Variants in POU2F2 observed in about 807,000 individuals in gnomAD.
POU2F2 encodes POU class 2 homeobox 2, also known as POU domain, class 2, transcription factor 2.
In POU2F2, 14 loss-of-function variants were observed where a neutral mutation model predicts 63.5. The observed-to-expected ratio is 0.22, with a 90% CI of 0.15 to 0.34. POU2F2 has a LOEUF of 0.34. POU2F2 is among the 10% of genes least tolerant of loss of function. POU2F2 has a pLI of 1.00. For missense variants in POU2F2, 607 were observed against 815.2 expected (o/e 0.74, Z 3.11); for synonymous variants, 306 against 348.6 (o/e 0.88, Z 1.36).
upstream of POU2F2, among the ~76,000 whole-genome samples, chr19:42,136,122 A>G (rs541029752): frequency 7.8e-4 from 119 of 151,658 alleles, no homozygotes; most frequent in African/African-American, 2.8e-3. Context: ...GGGACTTAAA[A>G]TATATCTTCC....
At chr19:42,163,129 G>A (rs1203839100) in intron 1 of POU2F2, among the ~76,000 whole-genome samples, 1 of 152,118 alleles carries the variant, frequency 6.6e-6, no homozygotes, top group African/African-American at 2.4e-5. Context: ...AAGATCTAAC[G>A]ACTATGAGCA....
chr19:42,140,313 C>G (rs577260215), intron 2 of POU2F2, among the ~76,000 whole-genome samples: 2 of 152,218 alleles, frequency 1.3e-5, no homozygotes, highest in South Asian at 4.1e-4. Flanking sequence ...CAGAGGCCGC[C>G]GCTGTCATCC....
intron 4 of POU2F2, among the ~76,000 whole-genome samples, chr19:42,120,047 G>A (rs1034523460): frequency 6.6e-6 from 1 of 151,828 alleles, no homozygotes; most frequent in Non-Finnish European, 1.5e-5. Flanking sequence ...GTCTCAAGTA[G>A]CTGAGACTAC....
chr19:42,095,897 G>A lies in POU2F2; in HGVS notation c.762C>T (p.Tyr254=), dbSNP rs1218309260. ...TGGTCGTCTGGCTGAAGTCGTTGCC[G>A]TAGAGCTTGCCCATGGCCAGGCCCA... ...GDVGLAMGKL[Y]GNDFSQTTIS... is the part of the protein sequence containing the mutation. Residue 254 remains tyrosine, a synonymous_variant, in exon 9 of 15, where the codon TAC becomes TAT. Coordinates refer to ENST00000692977, the MANE Select transcript of POU2F2 (RefSeq NM_001394376.1). This position sits in a 1 kb window ranked among gnomAD's most constrained non-coding sequence, Gnocchi z 7.1. 9.3e-6 allele frequency: 15 copies of A among 1,613,750 alleles called. No homozygotes were observed. Among genetic ancestry groups the A allele is most frequent in the Non-Finnish European group, 1.1e-5 (13 of 1,179,844 alleles).
At chr19:42,174,107 C>CG (rs2034824616) in intron 1 of POU2F2, among the ~76,000 whole-genome samples, 1 of 152,146 alleles carries the variant, frequency 6.6e-6, no homozygotes, top group African/African-American at 2.4e-5. Context: ...TGCCGTCAAA[C>CG]TCAGCCATAC....
intron 2 of POU2F2, among the ~76,000 whole-genome samples, chr19:42,149,216 G>A (rs771800071): frequency 1.3e-4 from 20 of 152,116 alleles, no homozygotes; most frequent in Admixed American, 6.5e-4. Flanking sequence ...GCCACACAGC[G>A]CGTCTGTGGC....
chr19:42,192,127 A>T (rs1358090984), intron 1 of POU2F2, among the ~76,000 whole-genome samples: 1 of 152,216 alleles, frequency 6.6e-6, no homozygotes, highest in African/African-American at 2.4e-5. Context: ...GATGAAGGTC[A>T]CCAGAGATGA....
intron 1 of POU2F2, among the ~76,000 whole-genome samples, chr19:42,161,165 A>G (rs2034544870): frequency 6.6e-6 from 1 of 152,176 alleles, no homozygotes; most frequent in Admixed American, 6.5e-5. Context: ...TAGGGAGGAA[A>G]CAACACCCAA....
intron 1 of POU2F2, among the ~76,000 whole-genome samples, chr19:42,174,803 T>C (rs148150507): frequency 6.6e-6 from 1 of 150,594 alleles, no homozygotes; most frequent in East Asian, 2.0e-4. Context: ...ACCTTCCCCT[T>C]ATATCCTGGG....
At chr19:42,109,752 G>A (rs780562927) in intron 5 of POU2F2, among the ~76,000 whole-genome samples, 4 of 152,084 alleles carry the variant, frequency 2.6e-5, no homozygotes, top group Non-Finnish European at 4.4e-5. Context: ...CCATCCTCCC[G>A]CTTCAGACTC....
At chr19:42,173,322 G>A (rs962562122) in intron 1 of POU2F2, among the ~76,000 whole-genome samples, 14 of 152,168 alleles carry the variant, frequency 9.2e-5, no homozygotes, top group African/African-American at 3.4e-4. Flanking sequence ...TGTCCAAGTA[G>A]CCCCTGGTGT....
intron 5 of POU2F2, among the ~76,000 whole-genome samples, chr19:42,106,031 C>CT (rs1232621594): frequency 7.1e-6 from 1 of 140,420 alleles, no homozygotes; most frequent in Non-Finnish European, 1.5e-5. Context: ...TTCTTTCTTT[C>CT]TTTCTTTCTT....
upstream of POU2F2, among the ~76,000 whole-genome samples, chr19:42,196,821 G>A (rs562157323): frequency 3.9e-5 from 6 of 152,400 alleles, no homozygotes; most frequent in African/African-American, 1.4e-4. Context: ...CACTGCGCCA[G>A]CGCAGATCCC....
chr19:42,150,597 C>T lies in POU2F2; in HGVS notation c.-9+9735G>A, dbSNP rs924337615. Among the ~76,000 whole-genome samples, 258 of 150,358 alleles carry T rather than the reference C, an allele frequency of 1.7e-3. 2 individuals carry two copies. Among genetic ancestry groups the T allele is most frequent in the African/African-American group, 5.1e-3 (212 of 41,304 alleles). ...GCGGAGGGCTCAGCGCAGAGGCCGG[C>T]GGCCGGCCTTCGCAGCGACCAGGGC... On this transcript the variant is annotated intron_variant, in intron 2 of 6. Transcript: ENST00000524801.
chr19:42,150,540 G>A (rs963075895), intron 2 of POU2F2, among the ~76,000 whole-genome samples: 5 of 151,402 alleles, frequency 3.3e-5, no homozygotes, highest in Admixed American at 2.6e-4. Flanking sequence ...AAACTGGATC[G>A]ATCGGGGCTG....
At chr19:42,170,363 T>C (rs1289000330) in intron 1 of POU2F2, among the ~76,000 whole-genome samples, 1 of 145,296 alleles carries the variant, frequency 6.9e-6, no homozygotes, top group Admixed American at 7.0e-5. Context: ...ACCAGATACA[T>C]GGAAGGCTCA....
chr19:42,174,070 C>T (rs1461597796), intron 1 of POU2F2, among the ~76,000 whole-genome samples: 3 of 152,058 alleles, frequency 2.0e-5, no homozygotes, highest in Non-Finnish European at 4.4e-5. Context: ...TTTTCTTGAA[C>T]CCAGCTTCAA....
rs1216400357 is a variant in POU2F2, at chr19:42,095,965, G to C, written c.730-36C>G. 2 of 1,607,170 alleles carry C rather than the reference G, an allele frequency of 1.2e-6. No homozygotes were observed. The highest frequency in any genetic ancestry group is 8.5e-7 in the Non-Finnish European group (1 of 1,176,428). On this transcript the variant is annotated intron_variant, in intron 8 of 14. Transcript: ENST00000692977. The surrounding 1 kb of genome is among the most constrained non-coding windows in gnomAD (Gnocchi z 7.1). Reference sequence around the variant, plus strand: ...GGGGCGGGGAAGGGCCCGAAGTCAGGGTGGGGCCTTCCGGCACTGGGCCCG... The same window carrying C: ...GGGGCGGGGAAGGGCCCGAAGTCAGCGTGGGGCCTTCCGGCACTGGGCCCG...
chr19:42,173,607 G>T (rs553979434), intron 1 of POU2F2, among the ~76,000 whole-genome samples: 1 of 151,264 alleles, frequency 6.6e-6, no homozygotes, highest in African/African-American at 2.4e-5. Flanking sequence ...AGGACGTATA[G>T]GCTAACAACC....
Sources: allele counts gnomAD v4.1 joint callset (sites outside exome capture counted in the v4.1 genomes callset), GRCh38; gene constraint gnomAD v4.1.1; non-coding constraint Gnocchi (gnomAD v3.1); transcripts MANE v1.5; gene names NCBI Gene and HGNC (gene_info 2026-07-23, HGNC 2026-07-21).